The following PTPRO variants were observed in gnomAD, a reference collection of about 807,000 sequenced individuals.
PTPRO encodes receptor-type tyrosine-protein phosphatase O.
Under a neutral mutation model 145.2 loss-of-function variants are expected in PTPRO, and 62 were observed. The ratio of observed to expected loss-of-function variants is 0.43; its 90% confidence interval spans 0.35 to 0.53. The LOEUF is 0.53. Among genes scored for constraint, PTPRO ranks in the 20% least tolerant of loss-of-function variants. The pLI is 0.01. For missense variants in PTPRO, 1,345 were observed against 1,482.7 expected, an observed-to-expected ratio of 0.91 and a Z score of 1.53; for synonymous variants, 565 against 514.7, an observed-to-expected ratio of 1.10 and a Z score of -1.32.
chr12:15,468,401 C>T (rs947023203), intron 1 of PTPRO, among the ~76,000 whole-genome samples: 1 of 152,168 alleles, frequency 6.6e-6, no homozygotes, highest in South Asian at 2.1e-4. Context: ...CCCATGATGC[C>T]ACCTCTACTG....
At chr12:15,467,380 C>A (rs1432813334) in intron 1 of PTPRO, among the ~76,000 whole-genome samples, 2 of 150,950 alleles carry the variant, frequency 1.3e-5, no homozygotes, top group Non-Finnish European at 2.9e-5. Context: ...TATGTGCTCT[C>A]CTGCTTTTAT....
In PTPRO at chr12:15,581,727, G is replaced by A; in HGVS notation, c.3181G>A (p.Gly1061Arg). The A allele has an allele frequency of 6.2e-7, 1 of 1,613,980 alleles. No homozygotes were observed. ...ATTCACGGAAGAACCTATAGCCTAT[G>A]GAGACATCACTGTGGAGATGATTTC... ...WPFTEEPIAY[G>R]DITVEMISEE... The change falls in exon 23 of 27, where the codon GGA (glycine) becomes AGA (arginine). Residue 1061 changes from glycine (G) to arginine (R), a missense_variant. Coordinates refer to ENST00000281171, the MANE Select transcript of PTPRO (RefSeq NM_030667.3).
chr12:15,386,681 C>A (rs985276694), intron 1 of PTPRO, among the ~76,000 whole-genome samples: 10 of 152,072 alleles, frequency 6.6e-5, no homozygotes, highest in Admixed American at 1.3e-4. Context: ...AAAAAATATT[C>A]TTTTGCTCTA....
At chr12:15,426,805 A>G (rs1173789879) in intron 1 of PTPRO, among the ~76,000 whole-genome samples, 1 of 152,096 alleles carries the variant, frequency 6.6e-6, no homozygotes, top group East Asian at 1.9e-4. Flanking sequence ...AGTTAAATTA[A>G]AGTTCAGATA....
chr12:15,596,460 A>G lies in PTPRO; in HGVS notation c.*387A>G, dbSNP rs577928246. The G allele has an allele frequency of 6.5e-6, 1 of 152,712 alleles. No homozygotes were observed. Among genetic ancestry groups the G allele is most frequent in the African/African-American group, 2.4e-5 (1 of 41,546 alleles). The allele number at this position is 152,712 out of a possible 1,614,324, so 9.5% of individuals were successfully genotyped here. On this transcript the variant is annotated 3_prime_UTR_variant, in exon 27 of 27. Transcript: ENST00000281171. ...TGTGTGTGTGTGATTCTTATCAGAA[A>G]GTTGAATTGTTTTCTGCCTACACCG...
chr12:15,583,190 GA>G (rs1464693381), intron 23 of PTPRO, among the ~76,000 whole-genome samples: 2 of 152,100 alleles, frequency 1.3e-5, no homozygotes, highest in African/African-American at 4.8e-5. Context: ...TTTAATGGTT[GA>G]AAAAAGACAA....
At chr12:15,390,233 A>C (rs1016111757) in intron 1 of PTPRO, among the ~76,000 whole-genome samples, 1 of 152,154 alleles carries the variant, frequency 6.6e-6, no homozygotes, top group Admixed American at 6.5e-5. Context: ...CTGCTTGTGC[A>C]TGAATGAAGG....
intron 2 of PTPRO, among the ~76,000 whole-genome samples, chr12:15,491,143 C>A (rs1941991598): frequency 6.6e-6 from 1 of 152,158 alleles, no homozygotes; most frequent in Admixed American, 6.5e-5. Context: ...CAAACAGCAG[C>A]TCTGGCCTCA....
rs561282231 is a variant in PTPRO at position 15,581,708 on chromosome 12, G to A, written c.3162G>A (p.Thr1054=). ...AATGTGACCATTACTGGCCATTCACGGAAGAACCTATAGCCTATGGAGACA... is the reference window on the plus strand; with the variant it reads ...AATGTGACCATTACTGGCCATTCACAGAAGAACCTATAGCCTATGGAGACA... ...RVKCDHYWPF[T]EEPIAYGDIT... Residue 1054 remains threonine (T), a synonymous_variant, in exon 23 of 27, where the codon ACG becomes ACA. Coordinates refer to ENST00000281171, the MANE Select transcript of PTPRO (RefSeq NM_030667.3). 3.8e-4 allele frequency: 617 copies of A among 1,613,900 alleles called. 9 individuals carry two copies. In the South Asian group the frequency reaches 6.2e-3, roughly 16 times the overall value.
chr12:15,550,949 G>A (rs571969736), intron 14 of PTPRO, among the ~76,000 whole-genome samples: 90 of 152,270 alleles, frequency 5.9e-4, no homozygotes, highest in Admixed American at 1.1e-3. Context: ...CTGTTCTTCA[G>A]GGCCCTACAA....
intron 1 of PTPRO, among the ~76,000 whole-genome samples, chr12:15,359,763 G>C (rs916987977): frequency 3.9e-5 from 6 of 151,976 alleles, no homozygotes; most frequent in African/African-American, 1.5e-4. Flanking sequence ...TTTCAAGTTT[G>C]TTTTTGTTGA....
intron 7 of PTPRO, among the ~76,000 whole-genome samples, chr12:15,513,201 GAAAGAA>G (rs1565675887): frequency 0.022 from 2,343 of 105,182 alleles, 221 homozygotes; most frequent in African/African-American, 0.058. Context: ...AAGAAAGAAA[GAAAGAA>G]AGAAAGAAAG....
intron 1 of PTPRO, among the ~76,000 whole-genome samples, chr12:15,338,650 T>G (rs2136211678): frequency 6.6e-6 from 1 of 152,236 alleles, no homozygotes; most frequent in African/African-American, 2.4e-5. Flanking sequence ...AAATTACCAC[T>G]GTAAGAGGTA....
intron 25 of PTPRO, among the ~76,000 whole-genome samples, chr12:15,591,379 C>A (rs558696508): frequency 0.043 from 6,504 of 151,068 alleles, 426 homozygotes; most frequent in African/African-American, 0.15. Flanking sequence ...TCAAAAAAAA[C>A]AAAAAAAACT....
intron 1 of PTPRO, among the ~76,000 whole-genome samples, chr12:15,471,710 G>A (rs1488859546): frequency 6.6e-6 from 1 of 152,070 alleles, no homozygotes; most frequent in Non-Finnish European, 1.5e-5. Flanking sequence ...CCAAATAGAG[G>A]GTATCCCCAG....
In PTPRO at chr12:15,513,112, G is replaced by GA. The variant is rs1565675360; in HGVS notation, c.1465-2384dup. Among the ~76,000 whole-genome samples the GA allele has an allele frequency of 1.2e-3, 11 of 8,984 alleles. 1 individual carries two copies. The highest frequency in any genetic ancestry group is 0.022 in the South Asian group (2 of 92). The allele number at this position is 8,984 out of a possible 152,430, so 5.9% of individuals were successfully genotyped here. A position where few individuals can be genotyped will look rare whatever the true frequency, so the allele number is the denominator to read the frequency against. ...AGAAAGAAGAAAGAAAGAAAGAAAG[G>GA]AAGGAAGGAAGGAAGGAAGGAAGGA... On this transcript the variant is annotated intron_variant, in intron 7 of 26. Coordinates refer to ENST00000281171, the MANE Select transcript of PTPRO (RefSeq NM_030667.3).
At chr12:15,546,764 T>C in intron 13 of PTPRO, 56 bp downstream of exon 13, 2 of 1,594,486 alleles carry the variant, frequency 1.3e-6, no homozygotes, top group African/African-American at 1.3e-5. Context: ...GCTAATTATC[T>C]GGGCAAAATA....
At chr12:15,463,135 A>G (rs942418969) in intron 1 of PTPRO, among the ~76,000 whole-genome samples, 2 of 152,342 alleles carry the variant, frequency 1.3e-5, no homozygotes, top group African/African-American at 4.8e-5. Flanking sequence ...AGAAATTGTC[A>G]TTGTAAAGAA....
chr12:15,334,538 G>T (rs377523755), intron 1 of PTPRO, among the ~76,000 whole-genome samples: 1 of 152,086 alleles, frequency 6.6e-6, no homozygotes, highest in Non-Finnish European at 1.5e-5. Context: ...TATTTCTCTG[G>T]TAAGTTGAAA....
Sources: allele counts gnomAD v4.1 joint callset (sites outside exome capture counted in the v4.1 genomes callset), GRCh38; gene constraint gnomAD v4.1.1; transcripts MANE v1.5; gene names NCBI Gene and HGNC (gene_info 2026-07-23, HGNC 2026-07-21).